The following ITGB2 variants were observed in gnomAD, a reference collection of about 807,000 sequenced individuals.
ITGB2 encodes integrin subunit beta 2.
In ITGB2, 56 loss-of-function variants were observed where a neutral mutation model predicts 86.8. That is an observed-to-expected ratio of 0.65 (90% CI 0.52 to 0.81). The LOEUF is 0.81. Among genes scored for constraint, ITGB2 ranks in the 30% least tolerant of loss-of-function variants. The pLI is 0.00. For synonymous variants in ITGB2, 457 were observed against 450.4 expected (o/e 1.01, Z -0.19); for missense variants, 948 against 1,061.2 (o/e 0.89, Z 1.48).
chr21:44,887,002 G>A (rs566514524), intron 14 of ITGB2, 100 bp from the exon 15 acceptor site: 35 of 1,456,568 alleles, frequency 2.4e-5, no homozygotes, highest in Non-Finnish European at 3.0e-5. Flanking sequence ...CACTTAGAGA[G>A]ACGGAGGTTC....
At chr21:44,921,282 T>C (rs2070946), upstream of ITGB2, 34,540 of 152,208 alleles carry the variant, frequency 0.23, 4,073 homozygotes, top group Middle Eastern at 0.31. Context: ...AGCAAATTCC[T>C]GAGCCAGAGA....
intron 4 of ITGB2, among the ~76,000 whole-genome samples, chr21:44,903,806 G>C (rs1289570149): frequency 6.6e-6 from 1 of 152,234 alleles, no homozygotes; most frequent in Admixed American, 6.5e-5. Flanking sequence ...TAGAGTTGAC[G>C]CCAGCGACAT....
intron 1 of ITGB2, among the ~76,000 whole-genome samples, chr21:44,918,723 A>T (rs1016966951): frequency 1.3e-5 from 2 of 152,254 alleles, no homozygotes; most frequent in African/African-American, 4.8e-5. Flanking sequence ...CTCACTGTGC[A>T]CTAGGCAGGT....
chr21:44,896,040 AG>A (rs2083865474), intron 8 of ITGB2, among the ~76,000 whole-genome samples: 1 of 151,776 alleles, frequency 6.6e-6, no homozygotes, highest in African/African-American at 2.4e-5. Context: ...CTGCGGTGTG[AG>A]TGCTCCCGCC....
intron 1 of ITGB2, among the ~76,000 whole-genome samples, chr21:44,926,237 C>T (rs1049523705): frequency 6.6e-6 from 1 of 152,126 alleles, no homozygotes; most frequent in Non-Finnish European, 1.5e-5. Context: ...GGACCCAGAC[C>T]TCCATTCCGG....
rs2083962255 is a variant in ITGB2 at position 44,901,730 on chromosome 21, A to G, written c.503T>C (p.Phe168Ser). 1 of 1,609,658 alleles carries G rather than the reference A, an allele frequency of 6.2e-7. No individual in the cohort carries two copies. The highest frequency in any genetic ancestry group is 8.5e-7 in the Non-Finnish European group (1 of 1,176,272). The change falls in exon 6 of 16, where the codon TTC becomes TCC. Residue 168 changes from phenylalanine (F) to serine (S), a missense_variant. Transcript: ENST00000652462. ...NEITESGRIGFGSFVDKTVLP... is the reference protein window; with the variant it reads ...NEITESGRIGSGSFVDKTVLP... Reference sequence around the variant, plus strand: ...CACGGTCTTGTCCACGAAGGACCCGAAGCCTGCAGGGCACATGGAGGGGCT... The same window carrying G: ...CACGGTCTTGTCCACGAAGGACCCGGAGCCTGCAGGGCACATGGAGGGGCT...
At chr21:44,901,415 C>T in intron 6 of ITGB2, 77 bp downstream of exon 6, 4 of 1,553,014 alleles carry the variant, frequency 2.6e-6, no homozygotes, top group Non-Finnish European at 3.5e-6. Context: ...AGGGTACCCC[C>T]CTGCCCCCAC....
At chr21:44,919,020 G>GCTGAGCGTCCCCTCTCCCAGCCCTCGGA (rs58007154) in intron 1 of ITGB2, among the ~76,000 whole-genome samples, 1 of 149,604 alleles carries the variant, frequency 6.7e-6, no homozygotes, top group Non-Finnish European at 1.5e-5. Context: ...AGCACTCGGA[G>GCTGAGCGTCCCCTCTCCCAGCCCTCGGA]GCACCTGCAG....
intron 7 of ITGB2, among the ~76,000 whole-genome samples, 159 bp downstream of exon 7, chr21:44,900,161 G>A (rs1026582959): frequency 5.3e-5 from 8 of 152,298 alleles, no homozygotes; most frequent in Admixed American, 3.3e-4. Flanking sequence ...AGGCCAGTCC[G>A]GGGAGACCCC....
chr21:44,911,652 C>T (rs1006495442), intron 1 of ITGB2, among the ~76,000 whole-genome samples: 5 of 152,350 alleles, frequency 3.3e-5, no homozygotes, highest in South Asian at 2.1e-4. Context: ...CACCAGTTGC[C>T]GGGGTCCTGC....
At chr21:44,890,339 G>T in intron 11 of ITGB2, 117 bp from the exon 12 acceptor site, 4 of 1,377,734 alleles carry the variant, frequency 2.9e-6, no homozygotes, top group Non-Finnish European at 4.0e-6. Flanking sequence ...GGCACATTTT[G>T]CTTTCCTCGA....
In ITGB2 at chr21:44,901,600, G is replaced by C; in HGVS notation, c.633C>G (p.Thr211=). The C allele has an allele frequency of 6.2e-7, 1 of 1,614,248 alleles. No homozygotes were observed. Among genetic ancestry groups the C allele is most frequent in the Non-Finnish European group, 8.5e-7 (1 of 1,180,038 alleles). The change falls in exon 6 of 16, where the codon ACC becomes ACG. Residue 211 remains threonine, a synonymous_variant. Transcript: ENST00000652462. The part of the protein sequence containing the change: ...PFAFRHVLKL[T]NNSNQFQTEV... Reference sequence around the variant, plus strand: ...CGGTCTGAAACTGGTTGGAGTTGTTGGTCAGCTTCAGCACGTGCCTGAAGG... The same window carrying C: ...CGGTCTGAAACTGGTTGGAGTTGTTCGTCAGCTTCAGCACGTGCCTGAAGG...
intron 13 of ITGB2, 43 bp from the exon 14 acceptor site, chr21:44,888,938 G>A (rs2083740955): frequency 1.9e-6 from 3 of 1,581,612 alleles, no homozygotes; most frequent in African/African-American, 1.3e-5. Flanking sequence ...GGGTGTGCGG[G>A]GGCTCCGGCA....
intron 6 of ITGB2, 107 bp downstream of exon 6, chr21:44,901,385 C>A: frequency 7.0e-7 from 1 of 1,420,454 alleles, no homozygotes; most frequent in Non-Finnish European, 9.5e-7. Context: ...GGCTGGAGTC[C>A]CTCAGACGAC....
chr21:44,893,991 A>G (rs745761448), intron 9 of ITGB2: 17 of 295,628 alleles, frequency 5.8e-5, no homozygotes, highest in Non-Finnish European at 9.5e-5. Flanking sequence ...GATGGGGCAG[A>G]GACAGAGAGA....
intron 2 of ITGB2, 33 bp downstream of exon 2, chr21:44,910,692 C>T (rs1048565939): frequency 1.9e-6 from 3 of 1,608,424 alleles, no homozygotes; most frequent in African/African-American, 2.7e-5. Context: ...GAATGTCACG[C>T]GTGGAGTCCC....
intron 14 of ITGB2, among the ~76,000 whole-genome samples, chr21:44,888,477 G>A (rs2083730858): frequency 6.6e-6 from 1 of 152,232 alleles, no homozygotes; most frequent in South Asian, 2.1e-4. Flanking sequence ...TTGATGTGGG[G>A]TCAGGTGAGG....
At chr21:44,906,152 C>T (rs1377290603) in intron 4 of ITGB2, among the ~76,000 whole-genome samples, 1 of 138,266 alleles carries the variant, frequency 7.2e-6, no homozygotes, top group Non-Finnish European at 1.6e-5. Flanking sequence ...CCTTCCCTCC[C>T]TTCCCTCCCT....
At chr21:44,906,486 G>T (rs184467060) in intron 4 of ITGB2, among the ~76,000 whole-genome samples, 61 of 152,264 alleles carry the variant, frequency 4.0e-4, no homozygotes, top group African/African-American at 1.4e-3. Context: ...GTCGAAACAG[G>T]TGCTCTGGTC....
Sources: allele counts gnomAD v4.1 joint callset (sites outside exome capture counted in the v4.1 genomes callset), GRCh38; gene constraint gnomAD v4.1.1; transcripts MANE v1.5; gene names NCBI Gene and HGNC (gene_info 2026-07-23, HGNC 2026-07-21).